FILIP1L: variants seen among roughly 807,000 people sequenced by gnomAD.
FILIP1L encodes filamin A-interacting protein 1-like.
In FILIP1L, 55 loss-of-function variants were observed where a neutral mutation model predicts 96.6. The observed-to-expected ratio is 0.57, with a 90% CI of 0.46 to 0.71. The LOEUF is 0.71. FILIP1L is among the 30% of genes least tolerant of loss of function. The probability of loss-of-function intolerance (pLI) is 0.00; values close to 1 mark genes in which losing one functional copy is unlikely to be tolerated. For synonymous variants in FILIP1L, 467 were observed against 473.9 expected, an observed-to-expected ratio of 0.99 and a Z score of 0.19; for missense variants, 1,304 against 1,321.2, an observed-to-expected ratio of 0.99 and a Z score of 0.20.
At chr3:100,041,094 A>G (rs2065197617) in intron 1 of FILIP1L, 1 of 152,152 alleles carries the variant, frequency 6.6e-6, no homozygotes, top group South Asian at 2.1e-4. Flanking sequence ...GGATGTGATC[A>G]CAGAAGGGTG....
chr3:100,050,635 G>A (rs887954553), intron 1 of FILIP1L, among the ~76,000 whole-genome samples: 19 of 152,054 alleles, frequency 1.2e-4, no homozygotes, highest in African/African-American at 4.6e-4. Context: ...AGGTTCAAGC[G>A]ATTCTCCTGC....
At chr3:99,957,810 A>C (rs1415279458) in intron 1 of FILIP1L, among the ~76,000 whole-genome samples, 1 of 148,428 alleles carries the variant, frequency 6.7e-6, no homozygotes, top group East Asian at 2.0e-4. Flanking sequence ...TTTTTCACAC[A>C]TAGCTTGTTT....
intron 1 of FILIP1L, among the ~76,000 whole-genome samples, chr3:100,034,918 C>T (rs558324338): frequency 6.6e-6 from 1 of 152,182 alleles, no homozygotes; most frequent in African/African-American, 2.4e-5. Flanking sequence ...GTCCACTTTC[C>T]TATTTTAATG....
chr3:99,972,418 G>A (rs1158844082), intron 1 of FILIP1L, among the ~76,000 whole-genome samples: 1 of 152,176 alleles, frequency 6.6e-6, no homozygotes, highest in East Asian at 1.9e-4. Flanking sequence ...CTGTCTTGCA[G>A]CAGCATCGGA....
intron 5 of FILIP1L, among the ~76,000 whole-genome samples, chr3:99,846,255 C>T (rs1292293736): frequency 7.2e-5 from 11 of 152,304 alleles, no homozygotes; most frequent in Non-Finnish European, 1.6e-4. Flanking sequence ...CCCAGTGCCA[C>T]ACAAGCATGT....
chr3:99,912,090 A>G (rs141111971), intron 4 of FILIP1L, among the ~76,000 whole-genome samples: 6 of 152,338 alleles, frequency 3.9e-5, no homozygotes, highest in East Asian at 1.9e-4. Flanking sequence ...ATAGTTTTAT[A>G]TCTATCTTGT....
chr3:100,105,040 A>G (rs554255791), intron 1 of FILIP1L, among the ~76,000 whole-genome samples: 3 of 152,192 alleles, frequency 2.0e-5, no homozygotes, highest in Non-Finnish European at 2.9e-5. Context: ...CTTCATTTAC[A>G]GATTGTTTCT....
In FILIP1L at chr3:100,004,679, A is replaced by T. The variant is rs1709938503; in HGVS notation, c.-10-73649T>A. Among the ~76,000 whole-genome samples the T allele has an allele frequency of 2.0e-5, 3 of 152,324 alleles. 1 individual carries two copies. In the South Asian group the frequency reaches 6.2e-4, roughly 32 times the overall value. On this transcript the variant is annotated intron_variant, in intron 1 of 5. Coordinates refer to ENST00000477258, the MANE Select transcript of FILIP1L (RefSeq NM_001387850.1). ...CGGCTTCATGAAGAGAGAGCACCAT[A>T]GGTGGGGGTTGAGGAATGAGAACTG...
chr3:100,014,807 AT>A (rs201338660), intron 1 of FILIP1L, among the ~76,000 whole-genome samples: 7,086 of 64,520 alleles, frequency 0.11, 303 homozygotes, highest in East Asian at 0.31. Flanking sequence ...CATTCTATTG[AT>A]TTTTTTTTTT....
chr3:99,893,059 G>C (rs1706136367), intron 4 of FILIP1L, among the ~76,000 whole-genome samples: 1 of 151,574 alleles, frequency 6.6e-6, no homozygotes, highest in Non-Finnish European at 1.5e-5. Context: ...TGCTCTGTGT[G>C]TCTGTTCTCT....
intron 4 of FILIP1L, among the ~76,000 whole-genome samples, chr3:99,907,104 A>T (rs900723484): frequency 1.3e-5 from 2 of 152,230 alleles, no homozygotes; most frequent in African/African-American, 4.8e-5. Context: ...TTCAACAAAT[A>T]CACAGAGTTG....
intron 1 of FILIP1L, among the ~76,000 whole-genome samples, chr3:100,079,703 A>C (rs2065902241): frequency 6.6e-6 from 1 of 152,186 alleles, no homozygotes; most frequent in Admixed American, 6.5e-5. Flanking sequence ...TGCCCCAAAC[A>C]TTAGGTACCT....
intron 1 of FILIP1L, among the ~76,000 whole-genome samples, chr3:100,021,747 C>T (rs1015302514): frequency 2.0e-5 from 3 of 152,170 alleles, no homozygotes; most frequent in South Asian, 2.1e-4. Context: ...CCTCCCCTTC[C>T]TCAGCCTACC....
intron 1 of FILIP1L, chr3:100,051,186 T>G (rs1210089480): frequency 6.6e-6 from 1 of 152,178 alleles, no homozygotes; most frequent in Non-Finnish European, 1.5e-5. Context: ...AATTCTTCTC[T>G]GTGAGTCCAG....
At chr3:100,077,288 G>A (rs1327703218) in intron 1 of FILIP1L, among the ~76,000 whole-genome samples, 2 of 152,166 alleles carry the variant, frequency 1.3e-5, no homozygotes, top group African/African-American at 4.8e-5. Flanking sequence ...AGTGATGCAT[G>A]GTGTTCTTAA....
intron 4 of FILIP1L, among the ~76,000 whole-genome samples, chr3:99,922,135 T>G (rs1707144651): frequency 6.6e-6 from 1 of 152,230 alleles, no homozygotes; most frequent in Non-Finnish European, 1.5e-5. Context: ...CTCTTTGTAT[T>G]ATGCCAGGCA....
chr3:99,872,757 T>A (rs2107586032), intron 4 of FILIP1L, among the ~76,000 whole-genome samples: 1 of 152,334 alleles, frequency 6.6e-6, no homozygotes, highest in South Asian at 2.1e-4. Context: ...TATCTTAATC[T>A]GCTAAAGCAT....
intron 3 of FILIP1L, among the ~76,000 whole-genome samples, chr3:99,925,171 T>C (rs1447405618): frequency 6.6e-6 from 1 of 152,236 alleles, no homozygotes; most frequent in Non-Finnish European, 1.5e-5. Context: ...GATTTTCATT[T>C]TATTATACAT....
intron 3 of FILIP1L, 147 bp from the exon 4 acceptor site, chr3:99,924,555 G>A (rs936120693): frequency 8.8e-6 from 7 of 794,726 alleles, no homozygotes; most frequent in African/African-American, 8.7e-5. Flanking sequence ...TTTCGCTGTC[G>A]TTGCCCAGGC....
Sources: allele counts gnomAD v4.1 joint callset (sites outside exome capture counted in the v4.1 genomes callset), GRCh38; gene constraint gnomAD v4.1.1; transcripts MANE v1.5; gene names NCBI Gene and HGNC (gene_info 2026-07-23, HGNC 2026-07-21).